NLGN1: variants seen among roughly 807,000 people sequenced by gnomAD.
NLGN1 encodes the protein neuroligin 1, also known as neuroligin-1.
Under a neutral mutation model 65.5 loss-of-function variants are expected in NLGN1, and 12 were observed. That is an observed-to-expected ratio of 0.18 (90% CI 0.12 to 0.30). The LOEUF is 0.30. Ranked by LOEUF, NLGN1 falls within the 10% of genes least tolerant of loss-of-function variation. The pLI, the probability that NLGN1 is intolerant of heterozygous loss-of-function variation, is 1.00. For missense variants in NLGN1, 750 were observed against 1,007.1 expected, an observed-to-expected ratio of 0.74 and a Z score of 3.46; for synonymous variants, 350 against 359.5, an observed-to-expected ratio of 0.97 and a Z score of 0.30.
intron 2 of NLGN1, among the ~76,000 whole-genome samples, chr3:173,527,273 T>G (rs73043598): frequency 3.9e-5 from 6 of 152,206 alleles, no homozygotes; most frequent in Non-Finnish European, 7.3e-5. Context: ...TGAAAAAGTA[T>G]CTCATCATAG....
At chr3:173,667,089 C>T (rs1289376444) in intron 3 of NLGN1, among the ~76,000 whole-genome samples, 2 of 152,070 alleles carry the variant, frequency 1.3e-5, no homozygotes, top group Non-Finnish European at 2.9e-5. Flanking sequence ...TACAACAACC[C>T]ATGTATGCCA....
Position 174,279,243 on chromosome 3 carries a change from T to C in NLGN1, c.1242T>C (p.Ala414=), listed in dbSNP as rs1332307554. The change falls in exon 6 of 7, where the codon GCT becomes GCC. Residue 414 remains alanine (A), a synonymous_variant. Transcript: ENST00000457714. The surrounding 1 kb of genome is among the most constrained non-coding windows in gnomAD (Gnocchi z 4.7). Reference sequence around the variant, plus strand: ...TATCAGCTAGTGATTTTGACTTTGCTGTTTCAAATTTTGTTGATAATTTAT... The same window carrying C: ...TATCAGCTAGTGATTTTGACTTTGCCGTTTCAAATTTTGTTGATAATTTAT... The C allele has an allele frequency of 1.2e-6, 2 of 1,613,390 alleles. No individual in the cohort carries two copies. Among genetic ancestry groups the C allele is most frequent in the Admixed American group, 1.7e-5 (1 of 59,908 alleles).
At chr3:173,866,001 CT>C (rs1730088672) in intron 4 of NLGN1, among the ~76,000 whole-genome samples, 1 of 152,162 alleles carries the variant, frequency 6.6e-6, no homozygotes, top group African/African-American at 2.4e-5. Flanking sequence ...TTTAACTAAA[CT>C]CTACCTCGGC....
intron 3 of NLGN1, among the ~76,000 whole-genome samples, chr3:173,737,638 A>G (rs541280617): frequency 2.6e-5 from 4 of 152,184 alleles, no homozygotes; most frequent in South Asian, 4.1e-4. Context: ...GATATACTAC[A>G]TTGTATTTAT....
chr3:173,973,174 T>C (rs1560754086), intron 4 of NLGN1, among the ~76,000 whole-genome samples: 1 of 152,110 alleles, frequency 6.6e-6, no homozygotes, highest in Non-Finnish European at 1.5e-5. Context: ...CTCTAGCATA[T>C]TGAAATAATA....
chr3:174,001,016 C>A (rs2152426790), intron 4 of NLGN1, among the ~76,000 whole-genome samples: 1 of 152,254 alleles, frequency 6.6e-6, no homozygotes, highest in South Asian at 2.1e-4. Flanking sequence ...GCCTGTTCCC[C>A]ACCCACCTCC....
chr3:174,114,961 A>T (rs1042551312), intron 4 of NLGN1, among the ~76,000 whole-genome samples: 2 of 152,192 alleles, frequency 1.3e-5, no homozygotes, highest in African/African-American at 4.8e-5. Context: ...TTAAGAGTAT[A>T]TAGCCAATAA....
chr3:173,841,688 A>G (rs1187706057), intron 4 of NLGN1, among the ~76,000 whole-genome samples: 1 of 152,168 alleles, frequency 6.6e-6, no homozygotes, highest in East Asian at 1.9e-4. Flanking sequence ...AAACTTTGAG[A>G]AAACTGTAGA....
At chr3:174,131,510 C>G (rs1238411350) in intron 4 of NLGN1, among the ~76,000 whole-genome samples, 2 of 152,012 alleles carry the variant, frequency 1.3e-5, no homozygotes, top group African/African-American at 4.8e-5. Flanking sequence ...CTTCAGTTTT[C>G]TTGTTTGGAA....
At chr3:173,598,334 C>A (rs1384582944) in intron 2 of NLGN1, among the ~76,000 whole-genome samples, 1 of 152,118 alleles carries the variant, frequency 6.6e-6, no homozygotes, top group Admixed American at 6.6e-5. Context: ...ACTGCTGTTA[C>A]ATCATATATT....
chr3:173,891,939 A>G (rs570880769), intron 4 of NLGN1, among the ~76,000 whole-genome samples: 1 of 148,110 alleles, frequency 6.8e-6, no homozygotes, highest in South Asian at 2.1e-4. Context: ...AAAGTGCACT[A>G]AATGGCAGAA....
At chr3:174,084,845 C>G (rs1047423511) in intron 4 of NLGN1, among the ~76,000 whole-genome samples, 3 of 151,954 alleles carry the variant, frequency 2.0e-5, no homozygotes, top group Non-Finnish European at 2.9e-5. Context: ...CTAAAGTTAA[C>G]TCCAAATACT....
chr3:173,538,272 A>G (rs1446383499), intron 2 of NLGN1, among the ~76,000 whole-genome samples: 1 of 152,138 alleles, frequency 6.6e-6, no homozygotes, highest in Non-Finnish European at 1.5e-5. Context: ...CTGTAACGAA[A>G]TCTTTAGAAG....
At chr3:173,663,057 C>T (rs937859960) in intron 3 of NLGN1, among the ~76,000 whole-genome samples, 9 of 151,944 alleles carry the variant, frequency 5.9e-5, no homozygotes, top group African/African-American at 2.2e-4. Context: ...TAATTATTTT[C>T]CATTTCAAAA....
chr3:173,466,703 G>C (rs1724420073), intron 2 of NLGN1, among the ~76,000 whole-genome samples: 1 of 152,284 alleles, frequency 6.6e-6, no homozygotes, highest in East Asian at 1.9e-4. Context: ...TAAGTGAAAT[G>C]GTTAGACATT....
At chr3:174,024,344 G>A (rs919814901) in intron 4 of NLGN1, among the ~76,000 whole-genome samples, 5 of 152,094 alleles carry the variant, frequency 3.3e-5, no homozygotes, top group Admixed American at 2.0e-4. Context: ...GTAAGCGTTA[G>A]CATGCCAAAT....
Position 174,232,748 on chromosome 3 carries a change from T to G in NLGN1, c.647-42567T>G, listed in dbSNP as rs938672628. On this transcript the variant is annotated intron_variant, in intron 4 of 6. Transcript: ENST00000457714. ...GACAGATTAAGAGAGAAAGGAAGATTTTGGCTAGCAAAAGTGGCCTTGTCA... is the reference window on the plus strand; with the variant it reads ...GACAGATTAAGAGAGAAAGGAAGATGTTGGCTAGCAAAAGTGGCCTTGTCA... 2.6e-5 allele frequency among the ~76,000 whole-genome samples: 4 copies of G among 152,072 alleles called. No individual in the cohort carries two copies. The East Asian group carries it at 5.8e-4, about 22-fold the overall frequency.
At chr3:173,540,078 A>G (rs1738574671) in intron 2 of NLGN1, among the ~76,000 whole-genome samples, 1 of 151,850 alleles carries the variant, frequency 6.6e-6, no homozygotes, top group Non-Finnish European at 1.5e-5. Context: ...TTCAGTTTCT[A>G]CGAAGGCCCA....
intron 4 of NLGN1, among the ~76,000 whole-genome samples, chr3:173,949,898 G>C (rs1272659975): frequency 1.3e-5 from 2 of 152,096 alleles, no homozygotes; most frequent in Non-Finnish European, 2.9e-5. Context: ...TTAATCATCT[G>C]CTTCTGGAGA....
Sources: allele counts gnomAD v4.1 joint callset (sites outside exome capture counted in the v4.1 genomes callset), GRCh38; gene constraint gnomAD v4.1.1; non-coding constraint Gnocchi (gnomAD v3.1); transcripts MANE v1.5; gene names NCBI Gene and HGNC (gene_info 2026-07-23, HGNC 2026-07-21).